The following CCSER1 variants were observed in gnomAD, a reference collection of about 807,000 sequenced individuals.
CCSER1 encodes serine-rich coiled-coil domain-containing protein 1.
In CCSER1, 41 loss-of-function variants were observed where a neutral mutation model predicts 82.0. The observed-to-expected ratio is 0.50, with a 90% CI of 0.39 to 0.65. CCSER1 has a LOEUF of 0.65. Among genes scored for constraint, CCSER1 ranks in the 30% least tolerant of loss-of-function variants. The probability of loss-of-function intolerance (pLI) is 0.00; values close to 1 mark genes in which losing one functional copy is unlikely to be tolerated. For synonymous variants in CCSER1, 414 were observed against 383.9 expected (o/e 1.08, Z -0.92); for missense variants, 1,119 against 1,064.2 (o/e 1.05, Z -0.72).
chr4:91,242,205 G>A (rs891364187), intron 10 of CCSER1, among the ~76,000 whole-genome samples: 1 of 152,148 alleles, frequency 6.6e-6, no homozygotes, highest in Admixed American at 6.5e-5. Flanking sequence ...ATTCTGAGGT[G>A]GGAAACTCCT....
chr4:91,232,890 G>A (rs764538426), intron 10 of CCSER1, among the ~76,000 whole-genome samples: 4 of 151,780 alleles, frequency 2.6e-5, no homozygotes, highest in Non-Finnish European at 5.9e-5. Flanking sequence ...TTAAGATGCA[G>A]AAGGGAAGGC....
intron 9 of CCSER1, among the ~76,000 whole-genome samples, chr4:91,068,810 T>G (rs2148760472): frequency 6.6e-6 from 1 of 152,328 alleles, no homozygotes; most frequent in African/African-American, 2.4e-5. Context: ...AGGCCACAAC[T>G]TTTGTATACT....
intron 5 of CCSER1, among the ~76,000 whole-genome samples, chr4:90,483,869 T>A (rs10014814): frequency 0.016 from 2,423 of 152,148 alleles, 40 homozygotes; most frequent in African/African-American, 0.047. Flanking sequence ...GCTCTTCTTG[T>A]GGAGTATCTT....
chr4:91,487,621 G>A (rs1348830014), intron 10 of CCSER1, among the ~76,000 whole-genome samples: 1 of 152,020 alleles, frequency 6.6e-6, no homozygotes, highest in Non-Finnish European at 1.5e-5. Context: ...ACAAGCAAAA[G>A]AACAGAGCCA....
intron 8 of CCSER1, among the ~76,000 whole-genome samples, chr4:90,920,542 T>C (rs1345619614): frequency 6.6e-6 from 1 of 151,956 alleles, no homozygotes; most frequent in Non-Finnish European, 1.5e-5. Flanking sequence ...TATCACTCAG[T>C]TCCACTTCAA....
At chr4:90,332,368 C>T (rs1739464968) in intron 3 of CCSER1, among the ~76,000 whole-genome samples, 1 of 151,856 alleles carries the variant, frequency 6.6e-6, no homozygotes, top group Admixed American at 6.6e-5. Flanking sequence ...TCCCACGTAG[C>T]TGGGATTACA....
chr4:91,324,638 C>T (rs1456303783), intron 10 of CCSER1, among the ~76,000 whole-genome samples: 1 of 152,038 alleles, frequency 6.6e-6, no homozygotes, highest in Non-Finnish European at 1.5e-5. Flanking sequence ...ATGTCTTTGG[C>T]TCTGAGTAAT....
At chr4:90,817,740 T>C (rs1456911321) in intron 8 of CCSER1, among the ~76,000 whole-genome samples, 1 of 152,090 alleles carries the variant, frequency 6.6e-6, no homozygotes, top group African/African-American at 2.4e-5. Context: ...GGAAACATGG[T>C]TGGAAAAAAA....
intron 9 of CCSER1, among the ~76,000 whole-genome samples, chr4:90,941,973 A>C (rs1246521572): frequency 6.6e-6 from 1 of 151,828 alleles, no homozygotes; most frequent in Non-Finnish European, 1.5e-5. Context: ...TTTTGAGACA[A>C]GTTCTGGCTC....
chr4:90,882,770 C>T (rs1561300115), intron 8 of CCSER1, among the ~76,000 whole-genome samples: 3 of 151,782 alleles, frequency 2.0e-5, no homozygotes, highest in South Asian at 2.1e-4. Flanking sequence ...AAAACAAAGC[C>T]AGGCTTCCCC....
intron 5 of CCSER1, among the ~76,000 whole-genome samples, chr4:90,487,375 A>C (rs867147441): frequency 6.6e-6 from 1 of 152,068 alleles, no homozygotes; most frequent in Admixed American, 6.5e-5. Context: ...CAGAATATAT[A>C]TGTCACTTTG....
intron 1 of CCSER1, among the ~76,000 whole-genome samples, chr4:90,192,207 CTTGTGCAGG>C (rs1427251995): frequency 6.6e-6 from 1 of 151,930 alleles, no homozygotes; most frequent in East Asian, 1.9e-4. Context: ...GCAAAGAGAG[CTTGTGCAGG>C]AAAACTCCCC....
chr4:90,351,067 G>A (rs373187838), intron 3 of CCSER1, among the ~76,000 whole-genome samples: 1 of 151,998 alleles, frequency 6.6e-6, no homozygotes, highest in African/African-American at 2.4e-5. Flanking sequence ...TAACAAGAGG[G>A]CACTAGCCCT....
intron 6 of CCSER1, among the ~76,000 whole-genome samples, chr4:90,718,756 T>G (rs868555317): frequency 7.9e-5 from 12 of 152,278 alleles, no homozygotes; most frequent in Non-Finnish European, 1.6e-4. Context: ...AGCCTGGTTA[T>G]ATTGCTAATG....
intron 9 of CCSER1, among the ~76,000 whole-genome samples, chr4:91,043,895 C>T (rs2150583737): frequency 6.6e-6 from 1 of 152,190 alleles, no homozygotes; most frequent in Admixed American, 6.5e-5. Flanking sequence ...GCTCAGACTT[C>T]TTATGGAAAA....
At chr4:90,271,862 ATTTTTTT>A (rs1176154331) in intron 1 of CCSER1, among the ~76,000 whole-genome samples, 47 of 21,702 alleles carry the variant, frequency 2.2e-3, no homozygotes, top group South Asian at 0.011. Flanking sequence ...ATATATATAT[ATTTTTTT>A]TTTTTTTTTT....
chr4:90,286,864 A>T (rs1729995308), intron 1 of CCSER1, among the ~76,000 whole-genome samples: 1 of 151,980 alleles, frequency 6.6e-6, no homozygotes, highest in Non-Finnish European at 1.5e-5. Context: ...TGTCTTCATG[A>T]CTTGATTTCT....
chr4:90,886,424 A>T (rs74561341), intron 8 of CCSER1, among the ~76,000 whole-genome samples: 240 of 152,254 alleles, frequency 1.6e-3, no homozygotes, highest in Non-Finnish European at 3.1e-3. Context: ...CTCCCCCAGA[A>T]ATGCCTGTCA....
chr4:90,513,403 T>C (rs1313585113), intron 5 of CCSER1, among the ~76,000 whole-genome samples: 1 of 152,154 alleles, frequency 6.6e-6, no homozygotes, highest in African/African-American at 2.4e-5. Context: ...ATTATTGCAA[T>C]CTGGAACCTC....
Sources: allele counts gnomAD v4.1 joint callset (sites outside exome capture counted in the v4.1 genomes callset), GRCh38; gene constraint gnomAD v4.1.1; transcripts MANE v1.5; gene names NCBI Gene and HGNC (gene_info 2026-07-23, HGNC 2026-07-21).